Variants in ZNF362 observed in about 807,000 individuals in gnomAD.
The protein encoded by ZNF362 is rotund homolog.
In ZNF362, 11 loss-of-function variants were observed where a neutral mutation model predicts 42.9. The ratio of observed to expected loss-of-function variants is 0.26; its 90% CI spans 0.16 to 0.42. ZNF362 has a LOEUF of 0.42. Among genes scored for constraint, ZNF362 ranks in the 20% least tolerant of loss-of-function variants. The pLI is 1.00. For synonymous variants in ZNF362, 255 were observed against 257.3 expected (o/e 0.99, Z 0.09); for missense variants, 362 against 576.2 (o/e 0.63, Z 3.81).
intron 1 of ZNF362, among the ~76,000 whole-genome samples, chr1:33,261,843 C>T (rs1368708915): frequency 6.6e-6 from 1 of 152,242 alleles, no homozygotes; most frequent in Non-Finnish European, 1.5e-5. Flanking sequence ...TCTCTGTCTG[C>T]TACCCAGAGG....
chr1:33,299,838 A>G lies in ZNF362; in HGVS notation c.*792A>G, dbSNP rs1245967840. ...GTGCTGGCCAGGAAACCTTTCGGCT[A>G]CCTCTCCCACCATCCCAGACTGTGG... On this transcript the variant is annotated 3_prime_UTR_variant, in exon 9 of 9. Coordinates refer to ENST00000539719, the MANE Select transcript of ZNF362 (RefSeq NM_152493.3). 3 of 152,646 alleles carry G rather than the reference A, an allele frequency of 2.0e-5. No individual in the cohort carries two copies. The highest frequency in any genetic ancestry group is 4.4e-5 in the Non-Finnish European group (3 of 68,100). 9.5% of individuals were successfully genotyped at this position (152,646 alleles called of 1,614,324 possible).
the ZNF362 span, among the ~76,000 whole-genome samples, chr1:33,136,209 CCCTT>C: frequency 6.9e-6 from 1 of 143,912 alleles, no homozygotes; most frequent in South Asian, 2.3e-4. Context: ...CTCCCTTTCT[CCCTT>C]CCTTCCCTCC....
the ZNF362 span, among the ~76,000 whole-genome samples, chr1:33,216,673 A>G: frequency 1.3e-5 from 2 of 151,868 alleles, no homozygotes; most frequent in African/African-American, 4.8e-5. Context: ...CCTGGAGGAA[A>G]GAACATTTAT....
chr1:33,276,332 C>T lies in ZNF362; in HGVS notation c.103-16C>T, dbSNP rs1158006071. 7 of 1,546,554 alleles carry T rather than the reference C, an allele frequency of 4.5e-6. No individual in the cohort carries two copies. In the African/African-American group the frequency reaches 8.2e-5, roughly 18 times the overall value. ...GGTGGTCCAGACCTCCTCAGCCCGT[C>T]CTCTTCTTCCCGCAGCTGGACAACC... On this transcript the variant is annotated splice_polypyrimidine_tract_variant and intron_variant, in intron 3 of 8. Coordinates refer to ENST00000539719, the MANE Select transcript of ZNF362 (RefSeq NM_152493.3).
chr1:33,212,206 C>T, the ZNF362 span, among the ~76,000 whole-genome samples: 1 of 152,188 alleles, frequency 6.6e-6, no homozygotes, highest in Non-Finnish European at 1.5e-5. Flanking sequence ...TGAGTCAAAG[C>T]TCCCTGAGGC....
chr1:33,167,144 A>C, the ZNF362 span, among the ~76,000 whole-genome samples: 12 of 152,124 alleles, frequency 7.9e-5, no homozygotes, highest in Admixed American at 2.0e-4. This position sits in a 1 kb window ranked among gnomAD's most constrained non-coding sequence, Gnocchi z 4.2. Flanking sequence ...TTGTACCATT[A>C]ATTTAACTCA....
At chr1:33,282,985 G>A (rs374164611) in intron 6 of ZNF362, among the ~76,000 whole-genome samples, 1 of 152,132 alleles carries the variant, frequency 6.6e-6, no homozygotes, top group Non-Finnish European at 1.5e-5. Flanking sequence ...CTCACATGAC[G>A]ATGATCATCT....
chr1:33,279,997 TACCCCTGGGTAATA>T, intron 4 of ZNF362, 113 bp from the exon 5 acceptor site: 1 of 1,127,196 alleles, frequency 8.9e-7, no homozygotes, highest in Non-Finnish European at 1.2e-6. Context: ...CTCATTTAGT[TACCCCTGGGTAATA>T]ACTTATGAAC....
the ZNF362 span, chr1:33,146,891 T>G: frequency 9.2e-6 from 4 of 433,958 alleles, no homozygotes; most frequent in South Asian, 2.8e-5. Flanking sequence ...CCTGAGAAGA[T>G]GGGGATGAGG....
the ZNF362 span, among the ~76,000 whole-genome samples, chr1:33,191,108 T>C: frequency 6.6e-6 from 1 of 152,256 alleles, no homozygotes; most frequent in Non-Finnish European, 1.5e-5. Context: ...GCCGTGGGCA[T>C]GGTATCTGCT....
At chr1:33,165,290 T>G in the ZNF362 span, 1 of 542,606 alleles carries the variant, frequency 1.8e-6, no homozygotes, top group Non-Finnish European at 3.3e-6. The surrounding 1 kb of genome is among the most constrained non-coding windows in gnomAD (Gnocchi z 4.0). Context: ...GCCGCCCCAT[T>G]GAACTTCACG....
intron 6 of ZNF362, among the ~76,000 whole-genome samples, chr1:33,285,953 C>A (rs1278701004): frequency 6.6e-6 from 1 of 152,102 alleles, no homozygotes; most frequent in Non-Finnish European, 1.5e-5. Context: ...ATTCCAGCTA[C>A]TTAGGAGGCC....
the ZNF362 span, among the ~76,000 whole-genome samples, chr1:33,234,559 T>G: frequency 6.6e-6 from 1 of 152,134 alleles, no homozygotes; most frequent in African/African-American, 2.4e-5. Context: ...CATTCAGCTT[T>G]GGCAGGAAAT....
intron 4 of ZNF362, 36 bp downstream of exon 4, chr1:33,276,630 G>C (rs1331176598): frequency 5.8e-5 from 76 of 1,306,348 alleles, no homozygotes; most frequent in Non-Finnish European, 7.3e-5. Context: ...GGGCCGGTGA[G>C]GACTGGGCAG....
the ZNF362 span, among the ~76,000 whole-genome samples, chr1:33,179,488 C>T: frequency 2.6e-5 from 4 of 152,248 alleles, no homozygotes; most frequent in South Asian, 2.1e-4. Context: ...TTGAGTATCT[C>T]GAGGCCAGAG....
rs531646104 is a variant in ZNF362 at position 33,257,063 on chromosome 1, C to G, written c.-89+409C>G. 3.1e-4 allele frequency among the ~76,000 whole-genome samples: 47 copies of G among 152,304 alleles called. No homozygotes were observed. The South Asian group carries it at 9.1e-3, about 30-fold the overall frequency. ...CGGTTCGCGCACTTTGCAGCCGGCC[C>G]GGTGGAGCAGCCAGTGCCGGATTTC... On this transcript the variant is annotated intron_variant, in intron 1 of 8. Coordinates refer to ENST00000539719, the MANE Select transcript of ZNF362 (RefSeq NM_152493.3).
chr1:33,260,850 C>T (rs747110637), intron 1 of ZNF362, among the ~76,000 whole-genome samples: 2 of 152,160 alleles, frequency 1.3e-5, no homozygotes, highest in Non-Finnish European at 2.9e-5. Context: ...CTAAGAATCC[C>T]AGTCTCTTCC....
chr1:33,171,332 C>T, the ZNF362 span, among the ~76,000 whole-genome samples: 1 of 152,156 alleles, frequency 6.6e-6, no homozygotes, highest in South Asian at 2.1e-4. Flanking sequence ...GGCATCTTGT[C>T]ACCTAATTCT....
At chr1:33,176,340 C>T in the ZNF362 span, 3 of 641,376 alleles carry the variant, frequency 4.7e-6, no homozygotes, top group Non-Finnish European at 5.9e-6. Flanking sequence ...AAATTTGAAC[C>T]TAGCCCCCAG....
Sources: gnomAD v4.1 joint callset for allele counts (sites outside exome capture counted in the v4.1 genomes callset) on GRCh38, gnomAD v4.1.1 for gene constraint, Gnocchi (gnomAD v3.1) non-coding constraint, MANE v1.5 for transcripts, NCBI Gene and HGNC (gene_info 2026-07-23, HGNC 2026-07-21) for gene names.